ITGA6: variants seen among roughly 807,000 people sequenced by gnomAD.
ITGA6 encodes integrin subunit alpha 6.
Under a neutral mutation model 133.6 loss-of-function variants are expected in ITGA6, and 63 were observed. That is an observed-to-expected ratio of 0.47 (90% CI 0.38 to 0.58). The LOEUF (loss-of-function observed/expected upper bound fraction) is 0.58, where lower values mean the gene tolerates loss of function less well. Ranked by LOEUF, ITGA6 falls within the 20% of genes least tolerant of loss-of-function variation. The pLI, the probability that ITGA6 is intolerant of heterozygous loss-of-function variation, is 0.00. For synonymous variants in ITGA6, 434 were observed against 482.0 expected (o/e 0.90, Z 1.30); for missense variants, 1,068 against 1,309.4 (o/e 0.82, Z 2.85).
In ITGA6 at chr2:172,484,659, A is replaced by G. The variant is rs866669581; in HGVS notation, c.1550-123A>G. On this transcript the variant is annotated intron_variant, in intron 11 of 25. Coordinates refer to ENST00000684293, the MANE Select transcript of ITGA6 (RefSeq NM_000210.4). ...TTGTGCAAATGCATATTACCAGGAA[A>G]TATGAAGAGAAACAATGGCAATGTT... 59 of 809,750 alleles carry G rather than the reference A, an allele frequency of 7.3e-5. No individual in the cohort carries two copies. The African/African-American group carries it at 8.4e-4, about 12-fold the overall frequency. 50.2% of individuals were successfully genotyped at this position (809,750 alleles called of 1,614,324 possible).
At chr2:172,428,128 C>T (rs1354697797) in intron 1 of ITGA6, 158 bp downstream of exon 1, 3 of 460,858 alleles carry the variant, frequency 6.5e-6, no homozygotes, top group Non-Finnish European at 9.9e-6. Flanking sequence ...CGCTCGGCTC[C>T]CCGCCCTGAC....
chr2:172,485,823 C>A (rs1463586766), intron 13 of ITGA6, among the ~76,000 whole-genome samples: 1 of 152,110 alleles, frequency 6.6e-6, no homozygotes, highest in Non-Finnish European at 1.5e-5. Flanking sequence ...GGTTAAGGTG[C>A]AAGGTTAGCC....
At chr2:172,443,227 T>A (rs1409999655) in intron 1 of ITGA6, among the ~76,000 whole-genome samples, 1 of 152,220 alleles carries the variant, frequency 6.6e-6, no homozygotes, top group African/African-American at 2.4e-5. Flanking sequence ...TGGTATGTTT[T>A]AATGCCTGTT....
In ITGA6 at chr2:172,427,934, C is replaced by T. The variant is rs750028773; in HGVS notation, c.146C>T (p.Ala49Val). ...GGGAGCCTCTTCGGCTTCTCGCTGG[C>T]CATGCACTGGCAACTGCAGCCCGAG... ...DPGSLFGFSL[A>V]MHWQLQPEDK... Residue 49 changes from alanine (A) to valine (V), a missense_variant, in exon 1 of 26, where the codon GCC (alanine) becomes GTC (valine). Ala to Val is a moderately conservative substitution (Grantham distance 64). Transcript: ENST00000684293. 6.2e-7 allele frequency: 1 copy of T among 1,606,804 alleles called. No homozygotes were observed. Among genetic ancestry groups the T allele is most frequent in the East Asian group, 2.3e-5 (1 of 44,188 alleles).
At chr2:172,458,480 C>T (rs944317080) in intron 1 of ITGA6, among the ~76,000 whole-genome samples, 1 of 152,080 alleles carries the variant, frequency 6.6e-6, no homozygotes, top group Non-Finnish European at 1.5e-5. Context: ...AAAACTAGGG[C>T]TTCTAGTGTG....
chr2:172,482,026 T>C (rs1055946815), intron 11 of ITGA6, among the ~76,000 whole-genome samples: 1 of 152,248 alleles, frequency 6.6e-6, no homozygotes, highest in African/African-American at 2.4e-5. Context: ...ATTTTTATTC[T>C]GTTCTGATGG....
At chr2:172,503,827 A>AG in intron 25 of ITGA6, 1 of 256,762 alleles carries the variant, frequency 3.9e-6, no homozygotes, top group Non-Finnish European at 7.3e-6. Context: ...TTGTTAGTAA[A>AG]GAGGTAGCCT....
chr2:172,496,263 G>A (rs750285090), intron 23 of ITGA6, among the ~76,000 whole-genome samples: 1 of 152,192 alleles, frequency 6.6e-6, no homozygotes, highest in Non-Finnish European at 1.5e-5. Flanking sequence ...AGTGAGCCAC[G>A]AGGCCACCTT....
At chr2:172,486,195 A>AAAAAAAC (rs1295573243) in intron 13 of ITGA6, among the ~76,000 whole-genome samples, 1 of 150,014 alleles carries the variant, frequency 6.7e-6, no homozygotes. Flanking sequence ...AAAAAAAAAA[A>AAAAAAAC]AACAACTAAT....
intron 1 of ITGA6, among the ~76,000 whole-genome samples, chr2:172,460,381 A>G (rs1453615138): frequency 1.3e-5 from 2 of 152,226 alleles, no homozygotes; most frequent in Non-Finnish European, 2.9e-5. Flanking sequence ...ATTTCTGTCA[A>G]AAGTTGAAGG....
In ITGA6 at chr2:172,491,229, C is replaced by G; in HGVS notation, c.2787C>G (p.Ser929Arg). 8.7e-6 allele frequency: 14 copies of G among 1,602,994 alleles called. No individual in the cohort carries two copies. The highest frequency in any genetic ancestry group is 1.2e-5 in the Non-Finnish European group (14 of 1,169,952). ...AERKYQTLNC[S>R]VNVNCVNIRC... ...CTTCTTTTTCTCTCTAGAACTGTAG[C>G]GTGAACGTGAACTGTGTGAACATCA... The change falls in exon 22 of 26, where the codon AGC becomes AGG. Residue 929 changes from serine (S) to arginine (R), a missense_variant. Around this residue, in one of 3 missense-constraint regions of ITGA6, gnomAD observed 609 missense variants for 707.2 expected, o/e 0.86. Transcript: ENST00000684293. The surrounding 1 kb of genome is among the most constrained non-coding windows in gnomAD (Gnocchi z 4.4).
intron 24 of ITGA6, among the ~76,000 whole-genome samples, chr2:172,500,417 T>C (rs1298620066): frequency 6.6e-6 from 1 of 152,120 alleles, no homozygotes; most frequent in Non-Finnish European, 1.5e-5. Context: ...GATCACGACG[T>C]CAGGAGATGG....
At chr2:172,446,629 T>C (rs1465640470) in intron 1 of ITGA6, among the ~76,000 whole-genome samples, 1 of 152,234 alleles carries the variant, frequency 6.6e-6, no homozygotes, top group Non-Finnish European at 1.5e-5. Context: ...TCACTAGAGA[T>C]TGGACTCCAA....
intron 1 of ITGA6, among the ~76,000 whole-genome samples, chr2:172,441,099 C>T (rs1267881224): frequency 3.3e-5 from 5 of 152,170 alleles, no homozygotes; most frequent in Admixed American, 3.3e-4. Flanking sequence ...TACCTGGGAG[C>T]AGCTCTAGAT....
chr2:172,440,037 G>A (rs1169500239), intron 1 of ITGA6, among the ~76,000 whole-genome samples: 1 of 152,154 alleles, frequency 6.6e-6, no homozygotes, highest in Non-Finnish European at 1.5e-5. Context: ...CATTTTTTCA[G>A]TGGAGTCTCA....
chr2:172,464,268 G>A (rs906696564), intron 1 of ITGA6: 2 of 152,192 alleles, frequency 1.3e-5, no homozygotes, highest in African/African-American at 4.8e-5. Flanking sequence ...ATCCTTTATT[G>A]GAATGATTCC....
Position 172,474,198 on chromosome 2 carries a change from T to C in ITGA6, c.919T>C (p.Phe307Leu). ...TGCACATCTCCTCCCTGAGCACATA[T>C]TCGATGGAGAAGGTCTGGCCTCTTC... Reference protein sequence around the residue: ...KSAHLLPEHIFDGEGLASSFG... With the variant: ...KSAHLLPEHILDGEGLASSFG... The change falls in exon 6 of 26, where the codon TTC becomes CTC. Residue 307 changes from phenylalanine (F) to leucine (L), a missense_variant. Physicochemically the swap from Phe to Leu is conservative, Grantham distance 22. Coordinates refer to ENST00000684293, the MANE Select transcript of ITGA6 (RefSeq NM_000210.4). The C allele has an allele frequency of 1.2e-6, 2 of 1,614,116 alleles. No individual in the cohort carries two copies. The highest frequency in any genetic ancestry group is 1.7e-6 in the Non-Finnish European group (2 of 1,180,030).
intron 1 of ITGA6, among the ~76,000 whole-genome samples, chr2:172,440,747 A>G (rs1365240719): frequency 2.6e-5 from 4 of 152,244 alleles, no homozygotes. Context: ...TTGAGAAACC[A>G]AGTAATTTAA....
intron 3 of ITGA6, among the ~76,000 whole-genome samples, chr2:172,468,171 T>TA (rs1469110283): frequency 1.3e-5 from 2 of 152,196 alleles, no homozygotes; most frequent in African/African-American, 4.8e-5. Context: ...TATAGCTTTA[T>TA]AGATAAGTTA....
Sources: allele counts gnomAD v4.1 joint callset (sites outside exome capture counted in the v4.1 genomes callset), GRCh38; gene constraint gnomAD v4.1.1; regional missense constraint gnomAD v4.1.1; non-coding constraint Gnocchi (gnomAD v3.1); transcripts MANE v1.5; gene names NCBI Gene and HGNC (gene_info 2026-07-23, HGNC 2026-07-21).